XPO7: variants seen among roughly 807,000 people sequenced by gnomAD.
The protein encoded by XPO7 is exportin 7, also known as exportin-7.
Under a neutral mutation model 144.3 loss-of-function variants are expected in XPO7, and 21 were observed. The ratio of observed to expected loss-of-function variants is 0.15; its 90% CI spans 0.10 to 0.21. The LOEUF (loss-of-function observed/expected upper bound fraction) is 0.21. XPO7 is among the 10% of genes least tolerant of loss of function. The pLI, the probability that XPO7 is intolerant of heterozygous loss-of-function variation, is 1.00. For synonymous variants in XPO7, 580 were observed against 499.6 expected (o/e 1.16, Z -2.15); for missense variants, 808 against 1,325.8 (o/e 0.61, Z 6.06).
chr8:21,925,008 G>A (rs1045655977), intron 1 of XPO7, among the ~76,000 whole-genome samples: 2 of 152,182 alleles, frequency 1.3e-5, no homozygotes, highest in Admixed American at 1.3e-4. Context: ...ATCACAACAA[G>A]CCTGGTCATT....
intron 27 of XPO7, among the ~76,000 whole-genome samples, 163 bp from the exon 28 acceptor site, chr8:22,004,832 C>T (rs1170252912): frequency 1.3e-5 from 2 of 151,542 alleles, no homozygotes; most frequent in Admixed American, 6.6e-5. Flanking sequence ...GATCTCTAAG[C>T]CAACTTTTCT....
At chr8:21,976,263 C>T in intron 6 of XPO7, 93 bp from the exon 7 acceptor site, 1 of 1,417,712 alleles carries the variant, frequency 7.1e-7, no homozygotes, top group Non-Finnish European at 9.7e-7. Flanking sequence ...ACATATAGCC[C>T]TCCTTTTCTG....
Position 21,968,818 on chromosome 8 carries a change from A to C in XPO7, c.166-665A>C, listed in dbSNP as rs938739465. On this transcript the variant is annotated intron_variant, in intron 2 of 27. Coordinates refer to ENST00000252512, the MANE Select transcript of XPO7 (RefSeq NM_015024.5). ...ATTCTTCCTTAGGCATTTTGATCAC[A>C]TGGAATGCTTTGAGTCTCCGTAAGG... Among the ~76,000 whole-genome samples, 4 of 152,218 alleles carry C rather than the reference A, an allele frequency of 2.6e-5. No homozygotes were observed. In the East Asian group the frequency reaches 7.7e-4, roughly 29 times the overall value.
At chr8:22,003,758 G>C (rs1813232240) in intron 26 of XPO7, 145 bp from the exon 27 acceptor site, 1 of 1,194,812 alleles carries the variant, frequency 8.4e-7, no homozygotes, top group Admixed American at 2.7e-5. Flanking sequence ...ACAAGTGCTT[G>C]CCTGAATTTC....
At position 21,925,040 on chromosome 8, in the gene XPO7, A is replaced by G. The variant is rs556082321; in HGVS notation, c.18+5252A>G. Among the ~76,000 whole-genome samples, 15 of 152,298 alleles carry G rather than the reference A, an allele frequency of 9.8e-5. No homozygotes were observed. The South Asian group carries it at 2.9e-3, about 29-fold the overall frequency. On this transcript the variant is annotated intron_variant, in intron 1 of 27. Coordinates refer to ENST00000252512, the MANE Select transcript of XPO7 (RefSeq NM_015024.5). ...CATTGAGTTGTGAATTTGTAGTGAG[A>G]CTGGTTTTGTCGACATGTCCCTGAA...
intron 8 of XPO7, among the ~76,000 whole-genome samples, chr8:21,978,765 C>T (rs559917151): frequency 6.6e-6 from 1 of 152,278 alleles, no homozygotes; most frequent in East Asian, 1.9e-4. Flanking sequence ...GGCTGGACAA[C>T]AAGAACTACA....
intron 2 of XPO7, among the ~76,000 whole-genome samples, chr8:21,967,223 T>C (rs1811914030): frequency 6.6e-6 from 1 of 152,230 alleles, no homozygotes; most frequent in African/African-American, 2.4e-5. Flanking sequence ...TGTTCTGTAA[T>C]TTTTCATCCT....
intron 1 of XPO7, among the ~76,000 whole-genome samples, chr8:21,920,686 C>G (rs369483647): frequency 2.0e-3 from 305 of 152,288 alleles, no homozygotes; most frequent in African/African-American, 6.9e-3. Flanking sequence ...TAATTTCTTG[C>G]AAACTAGATA....
intron 1 of XPO7, among the ~76,000 whole-genome samples, chr8:21,928,453 G>C (rs547217928): frequency 1.3e-5 from 2 of 152,344 alleles, no homozygotes; most frequent in East Asian, 3.9e-4. Context: ...GTACCTGGGA[G>C]TAGGATGGCT....
intron 1 of XPO7, among the ~76,000 whole-genome samples, chr8:21,947,916 T>C (rs1473568197): frequency 2.6e-5 from 4 of 152,120 alleles, no homozygotes; most frequent in South Asian, 2.1e-4. Flanking sequence ...CGGTAAAAAC[T>C]GATAGAACTA....
At chr8:21,939,274 T>C (rs970605654) in intron 1 of XPO7, among the ~76,000 whole-genome samples, 1 of 151,570 alleles carries the variant, frequency 6.6e-6, no homozygotes, top group African/African-American at 2.4e-5. Context: ...GAGGCTGAAG[T>C]GCAGTGCTGC....
chr8:21,923,408 T>C (rs1428389912), intron 1 of XPO7, among the ~76,000 whole-genome samples: 5 of 152,266 alleles, frequency 3.3e-5, no homozygotes, highest in Non-Finnish European at 5.9e-5. Context: ...ACCCTGATTA[T>C]ACCTCTTTCG....
Position 21,995,780 on chromosome 8 carries a change from T to C in XPO7, c.2345+181T>C, listed in dbSNP as rs140853956. 8.7e-4 allele frequency among the ~76,000 whole-genome samples: 133 copies of C among 152,340 alleles called. 5 individuals carry two copies. In the East Asian group the frequency reaches 0.023, roughly 26 times the overall value. ...TAGTATTCCTAACTACACAAAACCATAGTCAACTGCAGGAAATAAGTCACT... is the reference window on the plus strand; with the variant it reads ...TAGTATTCCTAACTACACAAAACCACAGTCAACTGCAGGAAATAAGTCACT... On this transcript the variant is annotated intron_variant, in intron 21 of 27. Coordinates refer to ENST00000252512, the MANE Select transcript of XPO7 (RefSeq NM_015024.5).
intron 15 of XPO7, 44 bp from the exon 16 acceptor site, chr8:21,988,959 A>C (rs375350870): frequency 1.5e-5 from 24 of 1,586,294 alleles, no homozygotes; most frequent in Non-Finnish European, 2.0e-5. Context: ...GAAACCAGCA[A>C]ATCAAAAGGG....
Position 21,982,885 on chromosome 8 carries a change from A to G in XPO7, c.1277+73A>G, listed in dbSNP as rs1812452061. The stretch of plus-strand genomic sequence containing the variant: ...ACACTTCCTAGAGATCAGACACCCC[A>G]TTGGCAAAGAGGTACTCGAAGCGTG... On this transcript the variant is annotated intron_variant, in intron 11 of 27. Transcript: ENST00000252512. 4 of 1,498,130 alleles carry G rather than the reference A, an allele frequency of 2.7e-6. No homozygotes were observed. The South Asian group carries it at 4.1e-5, about 15-fold the overall frequency. The allele number at this position is 1,498,130 out of a possible 1,614,324, so 92.8% of individuals were successfully genotyped here. A position where few individuals can be genotyped will look rare whatever the true frequency, so the allele number is the denominator to read the frequency against.
Position 21,995,644 on chromosome 8 carries a change from C to G in XPO7, c.2345+45C>G, listed in dbSNP as rs781667899. On this transcript the variant is annotated intron_variant, in intron 21 of 27. Transcript: ENST00000252512. ...TGCAAGGGCACATCTGCCCTGTTATCTGAGAGAATTTGCTGTATCTAGTGC... is the reference window on the plus strand; with the variant it reads ...TGCAAGGGCACATCTGCCCTGTTATGTGAGAGAATTTGCTGTATCTAGTGC... 8 of 1,449,652 alleles carry G rather than the reference C, an allele frequency of 5.5e-6. No individual in the cohort carries two copies. The Admixed American group carries it at 1.6e-4, about 29-fold the overall frequency. The allele number at this position is 1,449,652 out of a possible 1,614,324, so 89.8% of individuals were successfully genotyped here. A position where few individuals can be genotyped will look rare whatever the true frequency, so the allele number is the denominator to read the frequency against.
chr8:21,995,999 T>G (rs1812935717), intron 21 of XPO7, among the ~76,000 whole-genome samples: 2 of 152,164 alleles, frequency 1.3e-5, no homozygotes, highest in Admixed American at 1.3e-4. Context: ...GTATTTTTAG[T>G]AGAGACAGGG....
chr8:21,958,987 G>A (rs916544739), intron 1 of XPO7, among the ~76,000 whole-genome samples: 3 of 149,694 alleles, frequency 2.0e-5, no homozygotes, highest in Admixed American at 1.3e-4. Context: ...AAGAGGCAAA[G>A]CATGGCAGTG....
intron 1 of XPO7, among the ~76,000 whole-genome samples, chr8:21,958,961 C>CA (rs34867010): frequency 4.0e-3 from 487 of 123,046 alleles, no homozygotes; most frequent in East Asian, 0.01. Context: ...ACTCTGTCTC[C>CA]AAAAAAAAAA....
Sources: gnomAD v4.1 joint callset for allele counts (sites outside exome capture counted in the v4.1 genomes callset) on GRCh38, gnomAD v4.1.1 for gene constraint, MANE v1.5 for transcripts, NCBI Gene and HGNC (gene_info 2026-07-23, HGNC 2026-07-21) for gene names.